Variants in NEGR1 observed in about 807,000 individuals in gnomAD.
The protein encoded by NEGR1 is IgLON family member 4.
A neutral mutation model predicts 40.9 loss-of-function variants in NEGR1; 10 were observed. The observed-to-expected ratio is 0.24, with a 90% CI of 0.15 to 0.42. The LOEUF (loss-of-function observed/expected upper bound fraction) is 0.42, where lower values mean the gene tolerates loss of function less well. NEGR1 is among the 10% of genes least tolerant of loss of function. The probability of loss-of-function intolerance (pLI) is 1.00; values close to 1 mark genes in which losing one functional copy is unlikely to be tolerated. For missense variants in NEGR1, 352 were observed against 438.9 expected, an observed-to-expected ratio of 0.80 and a Z score of 1.77; for synonymous variants, 185 against 166.8, an observed-to-expected ratio of 1.11 and a Z score of -0.84.
rs141031904 is a variant in NEGR1 at position 72,133,063 on chromosome 1, G to A, written c.176+149256C>T. On this transcript the variant is annotated intron_variant, in intron 1 of 6. Transcript: ENST00000357731. ...TGGTTAGCTACCACTCCTTTAAAAT[G>A]TGACAATCATTTTGTCATAACAATA... is the stretch of plus-strand genomic sequence containing the variant. Among the ~76,000 whole-genome samples, 825 of 152,148 alleles carry A rather than the reference G, an allele frequency of 5.4e-3. 5 individuals carry two copies. Among genetic ancestry groups the A allele is most frequent in the African/African-American group, 0.019 (787 of 41,536 alleles).
At chr1:72,255,510 A>T (rs1325392059) in intron 1 of NEGR1, among the ~76,000 whole-genome samples, 2 of 148,258 alleles carry the variant, frequency 1.3e-5, no homozygotes, top group Non-Finnish European at 3.0e-5. Flanking sequence ...AGATTTACTT[A>T]TTTAAGAATG....
chr1:71,991,513 C>T (rs902388256), intron 1 of NEGR1, among the ~76,000 whole-genome samples: 2 of 152,176 alleles, frequency 1.3e-5, no homozygotes, highest in Non-Finnish European at 2.9e-5. Context: ...TCTTCTTCAT[C>T]TGAAGAGCAT....
chr1:72,046,308 A>AG (rs1273447370), intron 1 of NEGR1, among the ~76,000 whole-genome samples: 1 of 151,676 alleles, frequency 6.6e-6, no homozygotes, highest in Non-Finnish European at 1.5e-5. Context: ...AGGAGCATGA[A>AG]GAAAAACAAA....
chr1:72,131,587 G>A (rs1650250954), intron 1 of NEGR1, among the ~76,000 whole-genome samples: 1 of 152,084 alleles, frequency 6.6e-6, no homozygotes, highest in Non-Finnish European at 1.5e-5. Context: ...GTCCAAATAC[G>A]ATAACAAGAT....
Position 71,698,077 on chromosome 1 carries a change from C to T in NEGR1, c.598G>A (p.Glu200Lys). Reference protein sequence around the residue: ...IYGITRDQAGEYECSAENDVS... With the variant: ...IYGITRDQAGKYECSAENDVS... ...TCATTTTCCGCACTGCATTCATATT[C>T]CCCAGCCTGGTCCCTTGTAATTCCA... is the stretch of plus-strand genomic sequence containing the variant. The change falls in exon 4 of 7, where the codon GAA becomes AAA. Residue 200 changes from glutamate (E) to lysine (K), a missense_variant. Glu to Lys is a moderately conservative substitution (Grantham distance 56). Around this residue, in one of 5 missense-constraint regions of NEGR1, gnomAD observed 184 missense variants for 208.7 expected, o/e 0.88. Transcript: ENST00000357731. The T allele has an allele frequency of 6.2e-7, 1 of 1,611,228 alleles. No homozygotes were observed. The highest frequency in any genetic ancestry group is 8.5e-7 in the Non-Finnish European group (1 of 1,177,970).
At chr1:72,239,814 C>A (rs1045556834) in intron 1 of NEGR1, among the ~76,000 whole-genome samples, 3 of 151,660 alleles carry the variant, frequency 2.0e-5, no homozygotes, top group Non-Finnish European at 4.4e-5. Context: ...CTGACTCCTT[C>A]TGCACATAAA....
At chr1:71,714,738 C>T (rs900854680) in intron 3 of NEGR1, among the ~76,000 whole-genome samples, 10 of 152,232 alleles carry the variant, frequency 6.6e-5, no homozygotes, top group Admixed American at 3.9e-4. Flanking sequence ...TGAGAAGCTC[C>T]CATGGCCTTG....
chr1:72,249,441 G>A (rs1293727549), intron 1 of NEGR1, among the ~76,000 whole-genome samples: 2 of 152,170 alleles, frequency 1.3e-5, no homozygotes, highest in Non-Finnish European at 2.9e-5. Flanking sequence ...TGTGAAATAA[G>A]TAATTCCACA....
chr1:72,187,949 G>GTAA (rs1403488828), intron 1 of NEGR1, among the ~76,000 whole-genome samples: 1 of 151,388 alleles, frequency 6.6e-6, no homozygotes, highest in Non-Finnish European at 1.5e-5. Context: ...TATGATTCAT[G>GTAA]TAATGATCCT....
At chr1:71,817,683 GA>G (rs1453745305) in intron 2 of NEGR1, among the ~76,000 whole-genome samples, 17 of 152,020 alleles carry the variant, frequency 1.1e-4, no homozygotes, top group African/African-American at 4.1e-4. Flanking sequence ...GCATCCAAAG[GA>G]AATTTTCACC....
At chr1:71,906,666 G>T (rs1190174520) in intron 2 of NEGR1, among the ~76,000 whole-genome samples, 1 of 151,996 alleles carries the variant, frequency 6.6e-6, no homozygotes, top group Non-Finnish European at 1.5e-5. Context: ...AATTTAATTT[G>T]TCAAAAGTTT....
intron 6 of NEGR1, among the ~76,000 whole-genome samples, chr1:71,538,442 C>T (rs1647582032): frequency 6.6e-6 from 1 of 151,618 alleles, no homozygotes; most frequent in Non-Finnish European, 1.5e-5. Context: ...GTTATTGAGA[C>T]ACAGCAGAAA....
At chr1:71,597,470 C>G (rs200361129) in intron 5 of NEGR1, among the ~76,000 whole-genome samples, 6,321 of 24,450 alleles carry the variant, frequency 0.26, 334 homozygotes, top group Non-Finnish European at 0.28. Context: ...CTCTCTCTCT[C>G]TCTGTGTGTG....
At chr1:72,154,184 G>T (rs1445124772) in intron 1 of NEGR1, among the ~76,000 whole-genome samples, 1 of 151,724 alleles carries the variant, frequency 6.6e-6, no homozygotes, top group Non-Finnish European at 1.5e-5. Context: ...ACGCCAATAG[G>T]TTTGATGCAA....
chr1:71,729,910 T>A (rs1415896710), intron 3 of NEGR1, among the ~76,000 whole-genome samples: 1 of 151,650 alleles, frequency 6.6e-6, no homozygotes, highest in Non-Finnish European at 1.5e-5. Context: ...ATAGTTTTAA[T>A]GAGAAAAGAA....
At chr1:71,693,036 A>C (rs1225747438) in intron 4 of NEGR1, among the ~76,000 whole-genome samples, 1 of 151,672 alleles carries the variant, frequency 6.6e-6, no homozygotes, top group Non-Finnish European at 1.5e-5. Context: ...GTTTTTTTCC[A>C]ATTAGCAGCT....
intron 2 of NEGR1, among the ~76,000 whole-genome samples, chr1:71,858,949 T>C (rs1276143234): frequency 6.6e-6 from 1 of 152,020 alleles, no homozygotes; most frequent in Admixed American, 6.6e-5. Flanking sequence ...TCATGCCTGG[T>C]TCCCTGTAAC....
intron 6 of NEGR1, among the ~76,000 whole-genome samples, chr1:71,447,170 G>A (rs1035273416): frequency 1.3e-5 from 2 of 152,210 alleles, no homozygotes; most frequent in African/African-American, 4.8e-5. Flanking sequence ...TCTCATAGGA[G>A]CGTGGAACCT....
At chr1:71,585,605 T>G (rs1430970900) in intron 6 of NEGR1, among the ~76,000 whole-genome samples, 1 of 151,804 alleles carries the variant, frequency 6.6e-6, no homozygotes. Flanking sequence ...GCTGTACCAG[T>G]AGCTTGAAGA....
Sources: allele counts gnomAD v4.1 joint callset (sites outside exome capture counted in the v4.1 genomes callset), GRCh38; gene constraint gnomAD v4.1.1; regional missense constraint gnomAD v4.1.1; transcripts MANE v1.5; gene names NCBI Gene and HGNC (gene_info 2026-07-23, HGNC 2026-07-21).